The following SDHA variants were observed in gnomAD, a reference collection of about 807,000 sequenced individuals.
SDHA encodes the protein succinate dehydrogenase complex flavoprotein subunit A.
A neutral mutation model predicts 78.4 loss-of-function variants in SDHA; 48 were observed. The observed-to-expected ratio is 0.61, with a 90% CI of 0.49 to 0.78. The LOEUF (loss-of-function observed/expected upper bound fraction) is 0.78. SDHA is among the 30% of genes least tolerant of loss of function. The pLI is 0.00. For synonymous variants in SDHA, 326 were observed against 353.9 expected (o/e 0.92, Z 0.88); for missense variants, 680 against 892.7 (o/e 0.76, Z 3.04).
intron 1 of SDHA, among the ~76,000 whole-genome samples, chr5:219,644 GCCGCAT>G (rs942299397): frequency 1.2e-4 from 18 of 152,170 alleles, no homozygotes; most frequent in African/African-American, 4.1e-4. Context: ...AGAGACCCCT[GCCGCAT>G]CTTGGGCTTT....
chr5:240,815 C>A (rs569031091), intron 11 of SDHA, among the ~76,000 whole-genome samples: 1 of 152,186 alleles, frequency 6.6e-6, no homozygotes, highest in African/African-American at 2.4e-5. Flanking sequence ...GGATAGTGAC[C>A]TCCTGTTCCA....
intron 6 of SDHA, among the ~76,000 whole-genome samples, chr5:228,684 C>A (rs1392611832): frequency 6.6e-6 from 1 of 152,196 alleles, no homozygotes; most frequent in African/African-American, 2.4e-5. Flanking sequence ...TGTATTGATA[C>A]TGATTCCTCG....
At chr5:259,534 GCC>G, downstream of SDHA, among the ~76,000 whole-genome samples, 1 of 29,916 alleles carries the variant, frequency 3.3e-5, no homozygotes, top group Non-Finnish European at 6.2e-5. Context: ...TCCGCCTCCC[GCC>G]AGAGCATTAC....
chr5:220,354 C>T (rs1237556453), intron 1 of SDHA: 2 of 436,482 alleles, frequency 4.6e-6, no homozygotes, highest in East Asian at 7.0e-5. Context: ...TTTTTCAAAT[C>T]CCTTAACATG....
the SDHA span, among the ~76,000 whole-genome samples, chr5:262,203 C>T: frequency 1.7e-4 from 12 of 71,280 alleles, no homozygotes; most frequent in Non-Finnish European, 3.1e-4. Flanking sequence ...AGAGCATTAC[C>T]GTGTGAGCTC....
At chr5:254,231 C>T (rs1707556407) in intron 13 of SDHA, 162 bp from the exon 14 acceptor site, 4 of 594,454 alleles carry the variant, frequency 6.7e-6, no homozygotes, top group Non-Finnish European at 1.2e-5. Context: ...CATGCGGCCT[C>T]CGTGGGTTCT....
intron 11 of SDHA, among the ~76,000 whole-genome samples, chr5:247,148 A>G (rs1468718819): frequency 6.6e-6 from 1 of 152,186 alleles, no homozygotes; most frequent in Non-Finnish European, 1.5e-5. Context: ...CCTATGCTTC[A>G]GCTCAAAAAG....
At chr5:232,794 C>T (rs183580353) in intron 7 of SDHA, among the ~76,000 whole-genome samples, 7 of 152,268 alleles carry the variant, frequency 4.6e-5, no homozygotes, top group Admixed American at 3.9e-4. Flanking sequence ...TGTTAAAATT[C>T]GAGAGCTTGG....
intron 13 of SDHA, among the ~76,000 whole-genome samples, chr5:252,248 A>T (rs1393085359): frequency 7.5e-6 from 1 of 133,608 alleles, no homozygotes; most frequent in Non-Finnish European, 1.5e-5. Context: ...GGAGTAAGCC[A>T]CCGTTTCAAG....
At chr5:243,883 A>G (rs1437324233) in intron 11 of SDHA, among the ~76,000 whole-genome samples, 1 of 152,066 alleles carries the variant, frequency 6.6e-6, no homozygotes. Flanking sequence ...TAAAGGAAAT[A>G]CTCCGTTTCC....
chr5:251,922 A>C lies in SDHA; in HGVS notation c.1794+454A>C, dbSNP rs1290005571. Reference sequence around the variant, plus strand: ...TAAATAACGAGTAAGCCACCGTTTCAAACCTGCCCTGTGGAGGAAATGCCA... The same window carrying C: ...TAAATAACGAGTAAGCCACCGTTTCCAACCTGCCCTGTGGAGGAAATGCCA... On this transcript the variant is annotated intron_variant, in intron 13 of 14. Transcript: ENST00000264932. 20 of 349,260 alleles carry C rather than the reference A, an allele frequency of 5.7e-5. No individual in the cohort carries two copies. In the Admixed American group the frequency reaches 5.8e-4, roughly 10 times the overall value. The allele number at this position is 349,260 out of a possible 1,614,324, so 21.6% of individuals were successfully genotyped here.
At chr5:220,644 G>T (rs987766388) in intron 1 of SDHA, among the ~76,000 whole-genome samples, 1 of 136,946 alleles carries the variant, frequency 7.3e-6, no homozygotes, top group African/African-American at 3.4e-5. Flanking sequence ...AGGGTCTTTA[G>T]ATAGGGGGGC....
At chr5:235,625 C>A (rs1342239289) in intron 9 of SDHA, 1 of 457,440 alleles carries the variant, frequency 2.2e-6, no homozygotes, top group Non-Finnish European at 4.0e-6. Context: ...TCTTACACAT[C>A]AAGGGATCTT....
intron 14 of SDHA, among the ~76,000 whole-genome samples, chr5:255,386 G>T (rs999341802): frequency 2.4e-4 from 36 of 151,930 alleles, no homozygotes; most frequent in African/African-American, 8.5e-4. Context: ...TTTCTTGATA[G>T]TGTATAGAAA....
At chr5:224,725 C>G (rs1423587816) in intron 3 of SDHA, 1 of 604,476 alleles carries the variant, frequency 1.7e-6, no homozygotes, top group Non-Finnish European at 2.9e-6. Flanking sequence ...TGTTGTCACT[C>G]CTAATTCAGA....
chr5:243,112 C>T (rs1292481074), intron 11 of SDHA, among the ~76,000 whole-genome samples: 1 of 152,162 alleles, frequency 6.6e-6, no homozygotes, highest in Non-Finnish European at 1.5e-5. Flanking sequence ...GGCAGGAATT[C>T]AGCAAGCTAG....
At chr5:239,358 T>C (rs1170470073) in intron 10 of SDHA, among the ~76,000 whole-genome samples, 3 of 151,484 alleles carry the variant, frequency 2.0e-5, no homozygotes, top group African/African-American at 7.3e-5. Flanking sequence ...AGGTCAGGAG[T>C]TCTAGACTGG....
the SDHA span, among the ~76,000 whole-genome samples, chr5:262,226 GAGC>G: frequency 8.9e-6 from 1 of 112,072 alleles, no homozygotes; most frequent in African/African-American, 3.9e-5. Flanking sequence ...CCTCCCGACA[GAGC>G]ATTACCGTGT....
At chr5:255,091 C>T (rs1235694842) in intron 14 of SDHA, among the ~76,000 whole-genome samples, 7 of 111,898 alleles carry the variant, frequency 6.3e-5, no homozygotes, top group African/African-American at 1.1e-4. Context: ...CAGCCTTTTT[C>T]CACACACGGT....
Sources: allele counts gnomAD v4.1 joint callset (sites outside exome capture counted in the v4.1 genomes callset), GRCh38; gene constraint gnomAD v4.1.1; transcripts MANE v1.5; gene names NCBI Gene and HGNC (gene_info 2026-07-23, HGNC 2026-07-21).